Variants in ARHGEF38 observed in about 807,000 individuals in gnomAD.
The protein encoded by ARHGEF38 is Rho guanine nucleotide exchange factor 38.
A neutral mutation model predicts 79.9 loss-of-function variants in ARHGEF38; 79 were observed. The ratio of observed to expected loss-of-function variants is 0.99; its 90% CI spans 0.82 to 1.19. The LOEUF is 1.19. Among genes scored for constraint, ARHGEF38 ranks in the 50% most tolerant of loss-of-function variants. The pLI is 0.00. For missense variants in ARHGEF38, 962 were observed against 907.2 expected, an observed-to-expected ratio of 1.06 and a Z score of -0.78; for synonymous variants, 366 against 328.3, an observed-to-expected ratio of 1.11 and a Z score of -1.24.
intron 1 of ARHGEF38, among the ~76,000 whole-genome samples, chr4:105,573,591 T>C (rs1726341319): frequency 6.6e-6 from 1 of 152,208 alleles, no homozygotes; most frequent in Non-Finnish European, 1.5e-5. Flanking sequence ...TCTGTATTTA[T>C]GCCAGTACCA....
Position 105,659,052 on chromosome 4 carries a change from A to G in ARHGEF38, c.1234-2A>G. ...AAATGGGCTCATTTTTTCTTTTGGCAGGCATCTCACTTACAGAGACTCATC... is the reference window on the plus strand; with the variant it reads ...AAATGGGCTCATTTTTTCTTTTGGCGGGCATCTCACTTACAGAGACTCATC... On this transcript the variant is annotated splice_acceptor_variant, in intron 9 of 13. Transcript: ENST00000420470. LOFTEE classifies it high-confidence loss of function. The G allele has an allele frequency of 6.6e-7, 1 of 1,525,272 alleles. No individual in the cohort carries two copies. Among genetic ancestry groups the G allele is most frequent in the Non-Finnish European group, 8.8e-7 (1 of 1,141,542 alleles). The allele number at this position is 1,525,272 out of a possible 1,614,324, so 94.5% of individuals were successfully genotyped here. A position where few individuals can be genotyped will look rare whatever the true frequency, so the allele number is the denominator to read the frequency against.
At chr4:105,581,947 C>T (rs538167065) in intron 1 of ARHGEF38, among the ~76,000 whole-genome samples, 2 of 151,934 alleles carry the variant, frequency 1.3e-5, no homozygotes, top group African/African-American at 2.4e-5. Flanking sequence ...GGGTGGATCA[C>T]GAGGTCAGGA....
At chr4:105,667,025 T>A in intron 11 of ARHGEF38, 104 bp from the exon 12 acceptor site, 1 of 955,470 alleles carries the variant, frequency 1.0e-6, no homozygotes, top group African/African-American at 1.7e-5. Context: ...TAAAAATATA[T>A]GACTCCTACG....
chr4:105,670,508 T>C (rs1002378840), intron 13 of ARHGEF38, among the ~76,000 whole-genome samples: 1 of 152,194 alleles, frequency 6.6e-6, no homozygotes, highest in Non-Finnish European at 1.5e-5. Context: ...ATTTTCCCAT[T>C]GTAAGAGTTC....
chr4:105,591,985 T>C (rs1727362267), intron 2 of ARHGEF38, among the ~76,000 whole-genome samples: 2 of 152,318 alleles, frequency 1.3e-5, no homozygotes, highest in South Asian at 4.1e-4. Context: ...CTGGCAGATA[T>C]CAATGGTTAC....
At chr4:105,621,999 G>A (rs950680758) in intron 3 of ARHGEF38, among the ~76,000 whole-genome samples, 1 of 152,126 alleles carries the variant, frequency 6.6e-6, no homozygotes, top group Non-Finnish European at 1.5e-5. Context: ...ATCCTCACAA[G>A]AAAGAAAAAA....
Position 105,561,444 on chromosome 4 carries a change from A to AGAATAGAATAGAATGGAATGGAATG in ARHGEF38, c.196+8487_196+8488insAGAATAGAATGGAATGGAATGGAAT, listed in dbSNP as rs1725561691. ...AGAATGGAATAGAATAGAATAGAAT[A>AGAATAGAATAGAATGGAATGGAATG]GAATGGAATAGAATAGAATAGAATA... On this transcript the variant is annotated intron_variant, in intron 1 of 13. Coordinates refer to ENST00000420470, the MANE Select transcript of ARHGEF38 (RefSeq NM_001242729.2). The AGAATAGAATAGAATGGAATGGAATG allele has an allele frequency of 6.7e-4, 29 of 43,008 alleles. 2 individuals carry two copies. The highest frequency in any genetic ancestry group is 8.9e-4 in the Non-Finnish European group (20 of 22,544). The allele number at this position is 43,008 out of a possible 1,614,324, so 2.7% of individuals were successfully genotyped here. A position where few individuals can be genotyped will look rare whatever the true frequency, so the allele number is the denominator to read the frequency against.
chr4:105,592,969 C>T (rs1051452814), intron 2 of ARHGEF38, among the ~76,000 whole-genome samples: 5 of 152,110 alleles, frequency 3.3e-5, no homozygotes, highest in African/African-American at 9.7e-5. Flanking sequence ...CAGTCTGTGT[C>T]CTTTCTCTCT....
chr4:105,654,304 T>G, intron 8 of ARHGEF38, 135 bp downstream of exon 8: 2 of 519,008 alleles, frequency 3.9e-6, no homozygotes, highest in Non-Finnish European at 6.5e-6. Flanking sequence ...ATTGGAAGGC[T>G]GCAAACTGCT....
chr4:105,594,740 A>G lies in ARHGEF38; in HGVS notation c.384+5305A>G, dbSNP rs1727502756. 4.6e-5 allele frequency among the ~76,000 whole-genome samples: 7 copies of G among 152,172 alleles called. No individual in the cohort carries two copies. The South Asian group carries it at 1.5e-3, about 32-fold the overall frequency. On this transcript the variant is annotated intron_variant, in intron 2 of 13. Coordinates refer to ENST00000420470, the MANE Select transcript of ARHGEF38 (RefSeq NM_001242729.2). ...ACTGTTCTGTGACAATCGTGCTGTA[A>G]ACTTTAATCTTAACTTCAAGGCTTT... is the stretch of plus-strand genomic sequence containing the variant.
Position 105,667,195 on chromosome 4 carries a change from C to A in ARHGEF38, c.1756C>A (p.Leu586Ile). The A allele has an allele frequency of 6.5e-7, 1 of 1,536,168 alleles. No homozygotes were observed. Among genetic ancestry groups the A allele is most frequent in the African/African-American group, 1.4e-5 (1 of 73,168 alleles). Reference sequence around the variant, plus strand: ...TCTATCCACATATAGTGCAGAGGAACTCTATCAAGCTAAGCGCAAGTGCAA... The same window carrying A: ...TCTATCCACATATAGTGCAGAGGAAATCTATCAAGCTAAGCGCAAGTGCAA... ...KLLSTYSAEE[L>I]YQAKRKCNAT... The change falls in exon 12 of 14, where the codon CTC becomes ATC. Residue 586 changes from leucine to isoleucine, a missense_variant. By Grantham distance (5) the Leu-to-Ile change is conservative. Transcript: ENST00000420470.
At position 105,638,722 on chromosome 4, in the gene ARHGEF38, G is replaced by A. The variant is rs182736730; in HGVS notation, c.674+2302G>A. Reference sequence around the variant, plus strand: ...GAACACTATACGTTTCTTGTATGTCGACTTGCTACCTCATTCATCATCAAT... The same window carrying A: ...GAACACTATACGTTTCTTGTATGTCAACTTGCTACCTCATTCATCATCAAT... On this transcript the variant is annotated intron_variant, in intron 5 of 13. Coordinates refer to ENST00000420470, the MANE Select transcript of ARHGEF38 (RefSeq NM_001242729.2). 6.5e-3 allele frequency among the ~76,000 whole-genome samples: 857 copies of A among 130,904 alleles called. 8 individuals are homozygous for A. Among genetic ancestry groups the A allele is most frequent in the African/African-American group, 0.032 (825 of 25,982 alleles). The allele number at this position is 130,904 out of a possible 152,430, so 85.9% of individuals were successfully genotyped here.
intron 1 of ARHGEF38, among the ~76,000 whole-genome samples, chr4:105,576,006 A>G (rs932677544): frequency 2.6e-5 from 4 of 152,140 alleles, no homozygotes; most frequent in Non-Finnish European, 4.4e-5. Flanking sequence ...CCCTTAGTCT[A>G]TCTGCCTCCT....
chr4:105,635,864 A>T (rs1301509154), intron 4 of ARHGEF38, among the ~76,000 whole-genome samples: 4 of 152,092 alleles, frequency 2.6e-5, no homozygotes, highest in Non-Finnish European at 5.9e-5. Context: ...AGCAAAACCT[A>T]GTTATGTTAG....
At position 105,667,599 on chromosome 4, in the gene ARHGEF38, T is replaced by A; in HGVS notation, c.2044T>A (p.Ser682Thr). 3 of 1,536,690 alleles carry A rather than the reference T, an allele frequency of 2.0e-6. No homozygotes were observed. Among genetic ancestry groups the A allele is most frequent in the Non-Finnish European group, 2.6e-6 (3 of 1,147,044 alleles). ...RPASDSVTGT[S>T]ESSIGDSSSS... ...AGCTAGTGACAGTGTCACAGGCACC[T>A]CAGAAAGCAGCATTGGTGATAGCAG... is the stretch of plus-strand genomic sequence containing the variant. Residue 682 changes from serine (S) to threonine (T), a missense_variant, in exon 13 of 14, where the codon TCA becomes ACA. By Grantham distance (58) the Ser-to-Thr change is moderately conservative (BLOSUM62 1). Transcript: ENST00000420470.
chr4:105,631,166 T>G (rs964978380), intron 4 of ARHGEF38, 121 bp downstream of exon 4: 3 of 1,341,290 alleles, frequency 2.2e-6, no homozygotes, highest in Non-Finnish European at 2.9e-6. Flanking sequence ...TGCTGGGAGC[T>G]CTGCTTTGCA....
chr4:105,669,967 G>A (rs1730904966), intron 13 of ARHGEF38, among the ~76,000 whole-genome samples: 1 of 152,080 alleles, frequency 6.6e-6, no homozygotes, highest in African/African-American at 2.4e-5. Flanking sequence ...GTATGTATAT[G>A]TACTTTGTTG....
chr4:105,553,525 A>AATTTT (rs1330621252), intron 1 of ARHGEF38, among the ~76,000 whole-genome samples: 1 of 152,240 alleles, frequency 6.6e-6, no homozygotes, highest in African/African-American at 2.4e-5. Flanking sequence ...GAGTAAATTG[A>AATTTT]ATAATACTCA....
rs1157216317 is a variant in ARHGEF38 at position 105,678,543 on chromosome 4, A to G, written c.*606A>G. 1 of 152,212 alleles carries G rather than the reference A, an allele frequency of 6.6e-6. No individual in the cohort carries two copies. Among genetic ancestry groups the G allele is most frequent in the African/African-American group, 2.4e-5 (1 of 41,456 alleles). 9.4% of individuals were successfully genotyped at this position (152,212 alleles called of 1,614,324 possible). On this transcript the variant is annotated 3_prime_UTR_variant, in exon 14 of 14. Coordinates refer to ENST00000420470, the MANE Select transcript of ARHGEF38 (RefSeq NM_001242729.2). ...TATATGTTTTGAACTAAAACTGAATAACTTGATATTAACATGTAACATTAC... is the reference window on the plus strand; with the variant it reads ...TATATGTTTTGAACTAAAACTGAATGACTTGATATTAACATGTAACATTAC...
Sources: allele counts gnomAD v4.1 joint callset (sites outside exome capture counted in the v4.1 genomes callset), GRCh38; gene constraint gnomAD v4.1.1; transcripts MANE v1.5; gene names NCBI Gene and HGNC (gene_info 2026-07-23, HGNC 2026-07-21).